The following PLEKHA6 variants were observed in gnomAD, a reference collection of about 807,000 sequenced individuals.
The protein encoded by PLEKHA6 is pleckstrin homology domain containing A6.
A neutral mutation model predicts 116.7 loss-of-function variants in PLEKHA6; 60 were observed. The ratio of observed to expected loss-of-function variants is 0.51; its 90% CI spans 0.42 to 0.64. The LOEUF is 0.64. Ranked by LOEUF, PLEKHA6 falls within the 30% of genes least tolerant of loss-of-function variation. The pLI is 0.00. For synonymous variants in PLEKHA6, 489 were observed against 556.1 expected (o/e 0.88, Z 1.70); for missense variants, 1,338 against 1,422.7 (o/e 0.94, Z 0.96).
chr1:204,347,219 T>C, intron 1 of PLEKHA6: 1 of 1,128,678 alleles, frequency 8.9e-7, no homozygotes, highest in Non-Finnish European at 1.3e-6. Context: ...CTAGAGAACA[T>C]ACATCGGGTG....
rs1402192991 is a variant in PLEKHA6, at chr1:204,241,615, G to A, written c.2302+70C>T. 47 of 1,494,270 alleles carry A rather than the reference G, an allele frequency of 3.1e-5. No homozygotes were observed. The South Asian group carries it at 5.9e-4, about 19-fold the overall frequency. 92.6% of individuals were successfully genotyped at this position (1,494,270 alleles called of 1,614,324 possible). ...GGGTGTGGCACCAGGTTTTGGGTGT[G>A]AATGAGCACCCAGGGCTCCTCCCTG... is the stretch of plus-strand genomic sequence containing the variant. On this transcript the variant is annotated intron_variant, in intron 16 of 22. Transcript: ENST00000272203.
intron 1 of PLEKHA6, among the ~76,000 whole-genome samples, chr1:204,293,886 A>G (rs1215308254): frequency 6.6e-6 from 1 of 152,188 alleles, no homozygotes; most frequent in African/African-American, 2.4e-5. Context: ...AGGCTGAGGG[A>G]CTTTCCAGAC....
At chr1:204,294,872 T>C (rs1670121224) in intron 1 of PLEKHA6, among the ~76,000 whole-genome samples, 1 of 152,260 alleles carries the variant, frequency 6.6e-6, no homozygotes, top group Admixed American at 6.5e-5. Flanking sequence ...TAAATGCTAA[T>C]AATCATTATT....
intron 8 of PLEKHA6, among the ~76,000 whole-genome samples, chr1:204,258,816 A>T (rs1462710828): frequency 3.3e-5 from 5 of 152,266 alleles, no homozygotes; most frequent in African/African-American, 9.6e-5. Flanking sequence ...GCTTTAAAAC[A>T]ATTAGAGTTG....
At chr1:204,291,447 G>C (rs1310297522) in intron 1 of PLEKHA6, among the ~76,000 whole-genome samples, 1 of 152,166 alleles carries the variant, frequency 6.6e-6, no homozygotes, top group East Asian at 1.9e-4. Context: ...AAAAAGGAAA[G>C]CATATGTCCA....
chr1:204,253,237 G>A (rs555695382), intron 9 of PLEKHA6, among the ~76,000 whole-genome samples: 2 of 152,166 alleles, frequency 1.3e-5, no homozygotes, highest in East Asian at 1.9e-4. Flanking sequence ...ACATCTGTGA[G>A]GTTGAAAGGA....
At chr1:204,227,009 A>C (rs1660454818) in intron 21 of PLEKHA6, among the ~76,000 whole-genome samples, 1 of 152,202 alleles carries the variant, frequency 6.6e-6, no homozygotes, top group Non-Finnish European at 1.5e-5. Context: ...TACCACCAGC[A>C]CTGGAGGCAG....
chr1:204,260,720 A>T (rs1665994982), intron 7 of PLEKHA6, among the ~76,000 whole-genome samples: 2 of 152,178 alleles, frequency 1.3e-5, no homozygotes, highest in South Asian at 4.1e-4. Flanking sequence ...AAGACTCCAC[A>T]TCCAGTTAAG....
intron 1 of PLEKHA6, among the ~76,000 whole-genome samples, chr1:204,319,378 C>A (rs777099984): frequency 6.6e-6 from 1 of 152,192 alleles, no homozygotes; most frequent in African/African-American, 2.4e-5. Flanking sequence ...CTTTTCATAT[C>A]TTTTCATTCT....
At chr1:204,263,492 CAG>C (rs1026658691) in intron 6 of PLEKHA6, among the ~76,000 whole-genome samples, 1 of 152,138 alleles carries the variant, frequency 6.6e-6, no homozygotes, top group African/African-American at 2.4e-5. Context: ...TAGCCACAAT[CAG>C]AACCCTTTGT....
At chr1:204,226,302 C>A (rs1301954248) in intron 21 of PLEKHA6, among the ~76,000 whole-genome samples, 2 of 152,230 alleles carry the variant, frequency 1.3e-5, no homozygotes, top group Admixed American at 1.3e-4. Flanking sequence ...TTTCAGCACA[C>A]AGACCCTGAC....
intron 3 of PLEKHA6, among the ~76,000 whole-genome samples, chr1:204,365,894 C>G (rs1477578361): frequency 2.0e-5 from 3 of 152,004 alleles, no homozygotes; most frequent in African/African-American, 7.3e-5. Context: ...TGGGGGAATT[C>G]AGGCAGAGCA....
In PLEKHA6 at chr1:204,221,591, C is replaced by A. The variant is rs139285010; in HGVS notation, c.*1197G>T. On this transcript the variant is annotated 3_prime_UTR_variant, in exon 23 of 23. Transcript: ENST00000272203. ...AAGGCCTCATCCCCCCTCCTCAAGG[C>A]GTACTCTCAGCTGGCCCACTGCACA... The A allele has an allele frequency of 2.0e-5, 3 of 152,612 alleles. No individual in the cohort carries two copies. Among genetic ancestry groups the A allele is most frequent in the Non-Finnish European group, 1.5e-5 (1 of 68,152 alleles). 9.5% of individuals were successfully genotyped at this position (152,612 alleles called of 1,614,324 possible).
At chr1:204,252,451 G>C (rs1176068569) in intron 9 of PLEKHA6, among the ~76,000 whole-genome samples, 1 of 152,026 alleles carries the variant, frequency 6.6e-6, no homozygotes, top group Non-Finnish European at 1.5e-5. Flanking sequence ...GGACCAAAAA[G>C]TGAAGATATC....
At chr1:204,248,503 A>C (rs963872566) in intron 12 of PLEKHA6, among the ~76,000 whole-genome samples, 1 of 152,172 alleles carries the variant, frequency 6.6e-6, no homozygotes, top group Non-Finnish European at 1.5e-5. Flanking sequence ...AGAAGACAGA[A>C]GTGGGCAGCA....
chr1:204,241,324 C>T (rs1434544209), intron 17 of PLEKHA6, 51 bp downstream of exon 17: 2 of 1,150,754 alleles, frequency 1.7e-6, no homozygotes, highest in Admixed American at 3.7e-5. Flanking sequence ...CACACAGGCC[C>T]CTGGGCTCGC....
chr1:204,233,187 C>T (rs201287091), intron 17 of PLEKHA6, among the ~76,000 whole-genome samples: 3 of 129,778 alleles, frequency 2.3e-5, no homozygotes, highest in Non-Finnish European at 3.2e-5. Context: ...TTTTCTTTTT[C>T]TTTTTTTTTT....
intron 1 of PLEKHA6, among the ~76,000 whole-genome samples, chr1:204,283,458 G>A (rs1236785120): frequency 6.6e-6 from 1 of 152,214 alleles, no homozygotes; most frequent in African/African-American, 2.4e-5. Flanking sequence ...AAGGCATGTG[G>A]AATGAAGAGA....
intron 3 of PLEKHA6, among the ~76,000 whole-genome samples, chr1:204,273,080 T>C (rs1667640258): frequency 6.6e-6 from 1 of 152,188 alleles, no homozygotes; most frequent in African/African-American, 2.4e-5. Flanking sequence ...CTTTCAGCCT[T>C]TGTCTTCCTG....
Sources: allele counts gnomAD v4.1 joint callset (sites outside exome capture counted in the v4.1 genomes callset), GRCh38; gene constraint gnomAD v4.1.1; transcripts MANE v1.5; gene names NCBI Gene and HGNC (gene_info 2026-07-23, HGNC 2026-07-21).